The following TFPI variants were observed in gnomAD, a reference collection of about 807,000 sequenced individuals.
TFPI encodes the protein tissue factor pathway inhibitor.
TFPI carries 15 observed loss-of-function variants against 34.6 expected under a neutral mutation model. The observed-to-expected ratio is 0.43, with a 90% CI of 0.29 to 0.67. The LOEUF (loss-of-function observed/expected upper bound fraction) is 0.67, where lower values mean the gene tolerates loss of function less well. TFPI is among the 30% of genes least tolerant of loss of function. The pLI, the probability that TFPI is intolerant of heterozygous loss-of-function variation, is 0.15. For missense variants in TFPI, 301 were observed against 364.0 expected, an observed-to-expected ratio of 0.83 and a Z score of 1.41; for synonymous variants, 105 against 120.1, an observed-to-expected ratio of 0.87 and a Z score of 0.82.
chr2:187,484,267 T>C (rs764820888), intron 5 of TFPI, 51 bp from the exon 6 acceptor site: 2 of 1,514,190 alleles, frequency 1.3e-6, no homozygotes, highest in South Asian at 2.3e-5. Flanking sequence ...CACAATCTCA[T>C]ATTTGGACTC....
intron 3 of TFPI, among the ~76,000 whole-genome samples, chr2:187,489,383 G>GGT (rs3836091): frequency 0.33 from 48,680 of 149,562 alleles, 8,342 homozygotes; most frequent in African/African-American, 0.45. Flanking sequence ...TAAAAAAAGA[G>GGT]GTGTGTGTGT....
At chr2:187,504,625 C>A (rs1326185997) in intron 1 of TFPI, among the ~76,000 whole-genome samples, 1 of 151,052 alleles carries the variant, frequency 6.6e-6, no homozygotes, top group East Asian at 1.9e-4. Flanking sequence ...AAGACGACTT[C>A]TTCTTTGGAT....
intron 1 of TFPI, among the ~76,000 whole-genome samples, chr2:187,508,054 T>C (rs1686351696): frequency 6.6e-6 from 1 of 152,214 alleles, no homozygotes; most frequent in Non-Finnish European, 1.5e-5. Context: ...CCAACATGAT[T>C]TATTAAATAG....
chr2:187,498,923 G>A (rs567880652), intron 2 of TFPI, among the ~76,000 whole-genome samples: 114 of 151,968 alleles, frequency 7.5e-4, no homozygotes, highest in African/African-American at 2.7e-3. Flanking sequence ...ATATGCATTT[G>A]TGTGTCTTCA....
At chr2:187,475,614 G>A (rs1446670905) in intron 6 of TFPI, among the ~76,000 whole-genome samples, 1 of 151,976 alleles carries the variant, frequency 6.6e-6, no homozygotes, top group Non-Finnish European at 1.5e-5. Flanking sequence ...GATACTTCTT[G>A]CCACATAGAA....
At chr2:187,502,894 A>T (rs1685945621) in intron 2 of TFPI, among the ~76,000 whole-genome samples, 1 of 152,190 alleles carries the variant, frequency 6.6e-6, no homozygotes, top group South Asian at 2.1e-4. Context: ...ATCAAATAAG[A>T]ATGCATTTAT....
chr2:187,478,766 C>T (rs149480203), intron 6 of TFPI: 80 of 1,613,642 alleles, frequency 5.0e-5, no homozygotes, highest in Non-Finnish European at 5.8e-5. Flanking sequence ...AAATATGAGC[C>T]GCATTCTTCC....
At chr2:187,498,708 TTTTTCAA>T (rs771165885) in intron 2 of TFPI, among the ~76,000 whole-genome samples, 23 of 152,072 alleles carry the variant, frequency 1.5e-4, no homozygotes, top group South Asian at 6.2e-4. Context: ...ATTGATTATT[TTTTTCAA>T]TTGAAATAAA....
intron 1 of TFPI, among the ~76,000 whole-genome samples, chr2:187,552,839 A>C (rs976141543): frequency 2.6e-5 from 4 of 152,128 alleles, no homozygotes; most frequent in African/African-American, 9.6e-5. Context: ...TTGGTTTTCC[A>C]ATATAACTAC....
chr2:187,524,420 A>C (rs1293818282), intron 1 of TFPI, among the ~76,000 whole-genome samples: 1 of 151,916 alleles, frequency 6.6e-6, no homozygotes. Flanking sequence ...TTATATATTT[A>C]TGTGCATTTA....
At chr2:187,544,209 A>G (rs1442729543) in intron 1 of TFPI, among the ~76,000 whole-genome samples, 1 of 152,184 alleles carries the variant, frequency 6.6e-6, no homozygotes, top group Admixed American at 6.5e-5. Flanking sequence ...TTAGGGGATG[A>G]GAGGATATCA....
intron 6 of TFPI, 151 bp downstream of exon 6, chr2:187,483,969 TAAAC>T (rs3217130): frequency 0.26 from 171,500 of 655,796 alleles, 24,056 homozygotes; most frequent in Middle Eastern, 0.31. Context: ...TTAAATGTCT[TAAAC>T]AATTTGAATC....
At chr2:187,543,823 T>C (rs887025278) in intron 1 of TFPI, among the ~76,000 whole-genome samples, 1 of 152,200 alleles carries the variant, frequency 6.6e-6, no homozygotes, top group Non-Finnish European at 1.5e-5. Flanking sequence ...TTGCTGTGAA[T>C]GCAGCTATAT....
intron 6 of TFPI, among the ~76,000 whole-genome samples, chr2:187,469,709 C>G (rs1428634513): frequency 6.6e-6 from 1 of 152,060 alleles, no homozygotes; most frequent in Non-Finnish European, 1.5e-5. Flanking sequence ...GCTTATTTAT[C>G]CTACATGCCT....
rs549289303 is a variant in TFPI, at chr2:187,478,237, G to A, written c.628+5887C>T. The stretch of plus-strand genomic sequence containing the variant: ...TAGCGGGGCGTGGTGGCACATGCCT[G>A]TAATCCCAGCTACTCGGGAGGCTGA... On this transcript the variant is annotated intron_variant, in intron 6 of 7. Coordinates refer to ENST00000233156, the MANE Select transcript of TFPI (RefSeq NM_006287.6). Among the ~76,000 whole-genome samples the A allele has an allele frequency of 2.0e-5, 3 of 152,228 alleles. No homozygotes were observed. The South Asian group carries it at 6.2e-4, about 32-fold the overall frequency.
intron 1 of TFPI, among the ~76,000 whole-genome samples, chr2:187,538,838 TG>T (rs1208844161): frequency 6.6e-6 from 1 of 152,224 alleles, no homozygotes; most frequent in Non-Finnish European, 1.5e-5. Flanking sequence ...CTCATATTTT[TG>T]GGCAATATCT....
chr2:187,475,532 T>C (rs957198538), intron 6 of TFPI, among the ~76,000 whole-genome samples: 1 of 152,194 alleles, frequency 6.6e-6, no homozygotes, highest in Non-Finnish European at 1.5e-5. Flanking sequence ...ATTAATACTT[T>C]GTGCTTTAAT....
intron 6 of TFPI, chr2:187,483,894 A>G (rs1188680902): frequency 1.2e-5 from 6 of 487,648 alleles, no homozygotes; most frequent in Admixed American, 7.8e-5. Flanking sequence ...CATGTGATAC[A>G]TAATCAAAAG....
At chr2:187,527,483 CGT>C (rs1687738365) in intron 1 of TFPI, among the ~76,000 whole-genome samples, 1 of 152,066 alleles carries the variant, frequency 6.6e-6, no homozygotes, top group South Asian at 2.1e-4. Context: ...GGTTTAAGGC[CGT>C]GTGACTGCAC....
Sources: gnomAD v4.1 joint callset for allele counts (sites outside exome capture counted in the v4.1 genomes callset) on GRCh38, gnomAD v4.1.1 for gene constraint, MANE v1.5 for transcripts, NCBI Gene and HGNC (gene_info 2026-07-23, HGNC 2026-07-21) for gene names.